The following NEK4 variants were observed in gnomAD, a reference collection of about 807,000 sequenced individuals.
NEK4 encodes the protein serine/threonine-protein kinase Nek4.
In NEK4, 86 loss-of-function variants were observed where a neutral mutation model predicts 98.4. That is an observed-to-expected ratio of 0.87 (90% CI 0.73 to 1.05). The LOEUF (loss-of-function observed/expected upper bound fraction) is 1.05. NEK4 is among the 50% of genes least tolerant of loss of function. The pLI is 0.00. For missense variants in NEK4, 898 were observed against 950.3 expected, an observed-to-expected ratio of 0.94 and a Z score of 0.72; for synonymous variants, 328 against 342.2, an observed-to-expected ratio of 0.96 and a Z score of 0.46.
intron 6 of NEK4, among the ~76,000 whole-genome samples, chr3:52,756,414 C>T (rs1157447205): frequency 6.6e-6 from 1 of 152,054 alleles, no homozygotes; most frequent in Non-Finnish European, 1.5e-5. Flanking sequence ...ACATAGAAAC[C>T]AATGGAACAG....
At chr3:52,753,222 G>C (rs1189906767) in intron 6 of NEK4, among the ~76,000 whole-genome samples, 1 of 151,822 alleles carries the variant, frequency 6.6e-6, no homozygotes, top group Non-Finnish European at 1.5e-5. Context: ...AGGATTGCTT[G>C]AGCCGGGAGG....
rs555240005 is a variant in NEK4 at position 52,739,587 on chromosome 3, T to G, written c.2141A>C (p.Gln714Pro). The change falls in exon 14 of 16, where the codon CAG (glutamine) becomes CCG (proline). Residue 714 changes from glutamine to proline, a missense_variant. Gln to Pro is a moderately conservative substitution (Grantham distance 76). Coordinates refer to ENST00000233027, the MANE Select transcript of NEK4 (RefSeq NM_003157.6). ...CTCTTTAGAATCCAGTTTCAGGGTC[T>G]GAGTCATCAATTGTACCAAGGCATT... Reference protein sequence around the residue: ...EINALVQLMTQTLKLDSKESC... With the variant: ...EINALVQLMTPTLKLDSKESC... 1 of 1,614,196 alleles carries G rather than the reference T, an allele frequency of 6.2e-7. No homozygotes were observed. Among genetic ancestry groups the G allele is most frequent in the African/African-American group, 1.3e-5 (1 of 75,060 alleles).
chr3:52,716,327 A>G (rs2097355129), intron 15 of NEK4, among the ~76,000 whole-genome samples: 1 of 152,232 alleles, frequency 6.6e-6, no homozygotes, highest in African/African-American at 2.4e-5. Context: ...CACCAGGCCC[A>G]ACTGTCCAGA....
intron 15 of NEK4, among the ~76,000 whole-genome samples, chr3:52,724,555 T>TGGAA (rs201510036): frequency 0.46 from 68,986 of 151,520 alleles, 15,955 homozygotes; most frequent in African/African-American, 0.52. Context: ...GGGTTGAAAT[T>TGGAA]ATGACAATAA....
intron 5 of NEK4, among the ~76,000 whole-genome samples, chr3:52,763,078 T>C (rs1305419595): frequency 1.3e-5 from 2 of 152,204 alleles, no homozygotes; most frequent in Non-Finnish European, 1.5e-5. Context: ...ATAATTCTTA[T>C]CTTCCTTTAG....
chr3:52,744,038 T>C (rs2097391242), intron 11 of NEK4, among the ~76,000 whole-genome samples: 1 of 152,198 alleles, frequency 6.6e-6, no homozygotes, highest in Non-Finnish European at 1.5e-5. Context: ...CCCCCTCCTC[T>C]GATATTTGAA....
At chr3:52,746,966 G>A in intron 8 of NEK4, 62 bp from the exon 9 acceptor site, 2 of 1,304,706 alleles carry the variant, frequency 1.5e-6, no homozygotes, top group Non-Finnish European at 2.1e-6. Context: ...GTAATCCAAA[G>A]TAAGTTGTCC....
chr3:52,712,989 G>T (rs1168869047), intron 15 of NEK4, among the ~76,000 whole-genome samples: 1 of 152,182 alleles, frequency 6.6e-6, no homozygotes, highest in Non-Finnish European at 1.5e-5. Flanking sequence ...AGCAGTGCCT[G>T]TTCTCGCCTA....
At chr3:52,723,299 A>G (rs1279304702) in intron 15 of NEK4, among the ~76,000 whole-genome samples, 1 of 152,192 alleles carries the variant, frequency 6.6e-6, no homozygotes, top group East Asian at 1.9e-4. Flanking sequence ...TTGCTCCATC[A>G]CCCAGGCTGA....
At chr3:52,744,170 A>T (rs528516338) in intron 11 of NEK4, 69 bp downstream of exon 11, 1 of 1,097,246 alleles carries the variant, frequency 9.1e-7, no homozygotes, top group African/African-American at 1.5e-5. Context: ...TCATAGTTAG[A>T]ACCAGTGTTT....
intron 6 of NEK4, among the ~76,000 whole-genome samples, chr3:52,757,319 AG>A (rs1210877244): frequency 2.6e-5 from 4 of 152,220 alleles, no homozygotes; most frequent in Admixed American, 2.0e-4. Context: ...GCACTTTGGG[AG>A]GCCAAGGCGG....
At position 52,749,673 on chromosome 3, in the gene NEK4, GA is replaced by G; in HGVS notation, c.1506+18del. ...ACATGGTAAAACCCCATCTCTGCTA[GA>G]AAAACTGCAAAAATTACCTGGGCGT... On this transcript the variant is annotated intron_variant, in intron 8 of 15. Transcript: ENST00000233027. The G allele has an allele frequency of 4.0e-6, 1 of 251,608 alleles. No individual in the cohort carries two copies. The highest frequency in any genetic ancestry group is 3.5e-5 in the South Asian group (1 of 28,392). 15.6% of individuals were successfully genotyped at this position (251,608 alleles called of 1,614,324 possible). A position where few individuals can be genotyped will look rare whatever the true frequency, so the allele number is the denominator to read the frequency against.
chr3:52,758,761 T>G (rs1446451920), intron 6 of NEK4, among the ~76,000 whole-genome samples: 5 of 152,018 alleles, frequency 3.3e-5, no homozygotes, highest in South Asian at 2.1e-4. Context: ...GGAACACAGA[T>G]CGAGAACTCC....
At position 52,709,722 on chromosome 3, in the gene NEK4, A is replaced by T. The variant is rs1244186046; in HGVS notation, c.*2055T>A. The T allele has an allele frequency of 6.6e-6, 1 of 150,538 alleles. No homozygotes were observed. The highest frequency in any genetic ancestry group is 2.4e-5 in the African/African-American group (1 of 41,034). The allele number at this position is 150,538 out of a possible 1,614,324, so 9.3% of individuals were successfully genotyped here. On this transcript the variant is annotated 3_prime_UTR_variant, in exon 16 of 16. Transcript: ENST00000233027. ...TCTCAAAAAAAAAAAAAAAAAAAAA[A>T]GATATGGGTGAGATTCCTTTAATTC... is the stretch of plus-strand genomic sequence containing the variant.
chr3:52,746,349 G>A (rs149326545), intron 9 of NEK4, 139 bp from the exon 10 acceptor site: 2 of 770,702 alleles, frequency 2.6e-6, no homozygotes. Context: ...GAAAGACTCT[G>A]CCAAAAGTCA....
intron 6 of NEK4, among the ~76,000 whole-genome samples, chr3:52,758,291 G>A (rs1698213373): frequency 6.6e-6 from 1 of 151,428 alleles, no homozygotes; most frequent in Non-Finnish European, 1.5e-5. Flanking sequence ...ACAGAGTTCA[G>A]TTTTACAATA....
intron 15 of NEK4, among the ~76,000 whole-genome samples, chr3:52,719,582 CA>C (rs34086430): frequency 1.7e-5 from 1 of 59,290 alleles, no homozygotes; most frequent in African/African-American, 6.6e-5. Context: ...GACTCTGTCT[CA>C]AAAAAAAAGA....
chr3:52,745,953 A>G (rs2097395320), intron 10 of NEK4, 108 bp downstream of exon 10: 1 of 973,280 alleles, frequency 1.0e-6, no homozygotes, highest in Non-Finnish European at 1.6e-6. Context: ...GAACTCTTGG[A>G]CTCAATTGAT....
At chr3:52,747,158 A>C (rs1366172126) in intron 8 of NEK4, among the ~76,000 whole-genome samples, 1 of 152,218 alleles carries the variant, frequency 6.6e-6, no homozygotes. Context: ...CCTTCCTCTT[A>C]GAAAACAAAA....
Sources: gnomAD v4.1 joint callset for allele counts (sites outside exome capture counted in the v4.1 genomes callset) on GRCh38, gnomAD v4.1.1 for gene constraint, MANE v1.5 for transcripts, NCBI Gene and HGNC (gene_info 2026-07-23, HGNC 2026-07-21) for gene names.